The following IMMP2L variants were observed in gnomAD, a reference collection of about 807,000 sequenced individuals.
IMMP2L encodes the protein inner mitochondrial membrane peptidase subunit 2, also known as mitochondrial inner membrane protease subunit 2.
A neutral mutation model predicts 19.3 loss-of-function variants in IMMP2L; 18 were observed. The ratio of observed to expected loss-of-function variants is 0.93; its 90% confidence interval spans 0.64 to 1.38. The LOEUF is 1.38. Among genes scored for constraint, IMMP2L ranks in the 40% most tolerant of loss-of-function variants. IMMP2L has a pLI of 0.00. For missense variants in IMMP2L, 233 were observed against 218.2 expected (o/e 1.07, Z -0.43); for synonymous variants, 76 against 73.0 (o/e 1.04, Z -0.21).
intron 3 of IMMP2L, among the ~76,000 whole-genome samples, chr7:111,434,789 G>A (rs571427249): frequency 1.5e-4 from 23 of 151,638 alleles, no homozygotes; most frequent in African/African-American, 2.2e-4. Context: ...CTTGACCTCC[G>A]GTGATCCACC....
chr7:110,888,101 T>C (rs1277024008), intron 4 of IMMP2L, among the ~76,000 whole-genome samples: 2 of 152,194 alleles, frequency 1.3e-5, no homozygotes, highest in Non-Finnish European at 2.9e-5. Flanking sequence ...CGAAGCAATA[T>C]TGTGGCTGTT....
intron 1 of IMMP2L, among the ~76,000 whole-genome samples, chr7:111,552,696 G>A (rs1790815968): frequency 6.6e-6 from 1 of 152,104 alleles, no homozygotes; most frequent in African/African-American, 2.4e-5. Flanking sequence ...TCCTCTCAGA[G>A]AGCCTACCCT....
intron 3 of IMMP2L, among the ~76,000 whole-genome samples, chr7:111,127,292 C>T (rs1478745254): frequency 1.3e-5 from 2 of 152,148 alleles, no homozygotes; most frequent in Admixed American, 6.5e-5. Context: ...TATTAGGAGG[C>T]AGGCATAGTA....
At chr7:111,270,958 A>G (rs1255467770) in intron 3 of IMMP2L, among the ~76,000 whole-genome samples, 1 of 152,166 alleles carries the variant, frequency 6.6e-6, no homozygotes, top group East Asian at 1.9e-4. Context: ...AGACTATTAT[A>G]TACTCCATTA....
chr7:110,786,422 T>C (rs532046968), intron 5 of IMMP2L, among the ~76,000 whole-genome samples: 2 of 152,076 alleles, frequency 1.3e-5, no homozygotes, highest in South Asian at 2.1e-4. Flanking sequence ...AAAAATAGCA[T>C]GGGCTTAAGC....
chr7:111,374,002 T>C (rs1208581696), intron 3 of IMMP2L, among the ~76,000 whole-genome samples: 1 of 151,998 alleles, frequency 6.6e-6, no homozygotes, highest in East Asian at 1.9e-4. Context: ...CATCAATTTC[T>C]AATGGTAGGT....
chr7:110,798,257 C>T (rs928957119), intron 5 of IMMP2L, among the ~76,000 whole-genome samples: 1 of 151,912 alleles, frequency 6.6e-6, no homozygotes, highest in South Asian at 2.1e-4. Flanking sequence ...TATTTCAAAA[C>T]ATTCAAATAA....
At position 110,803,178 on chromosome 7, in the gene IMMP2L, G is replaced by C. The variant is rs1007366459; in HGVS notation, c.408+83415C>G. ...AATGGAGGGGCATATTAGGTAGTGGGAACAAAATGGACATAATCTCTGAGA... is the reference window on the plus strand; with the variant it reads ...AATGGAGGGGCATATTAGGTAGTGGCAACAAAATGGACATAATCTCTGAGA... On this transcript the variant is annotated intron_variant, in intron 5 of 5. Coordinates refer to ENST00000405709, the MANE Select transcript of IMMP2L (RefSeq NM_032549.4). This position sits in a 1 kb window ranked among gnomAD's most constrained non-coding sequence, Gnocchi z 4.2. Among the ~76,000 whole-genome samples the C allele has an allele frequency of 6.6e-6, 1 of 152,044 alleles. No homozygotes were observed. The highest frequency in any genetic ancestry group is 2.4e-5 in the African/African-American group (1 of 41,426).
At chr7:110,722,879 T>C (rs959395743) in intron 5 of IMMP2L, among the ~76,000 whole-genome samples, 1 of 151,970 alleles carries the variant, frequency 6.6e-6, no homozygotes, top group Non-Finnish European at 1.5e-5. Context: ...TTTGTGAAAA[T>C]AAAAGCTCTT....
intron 3 of IMMP2L, among the ~76,000 whole-genome samples, chr7:111,288,006 C>T (rs1233196292): frequency 6.6e-6 from 1 of 152,136 alleles, no homozygotes; most frequent in Non-Finnish European, 1.5e-5. Context: ...CATAGGTAAA[C>T]ATCAAAAATT....
At chr7:111,205,501 C>T (rs1442110276) in intron 3 of IMMP2L, among the ~76,000 whole-genome samples, 3 of 152,150 alleles carry the variant, frequency 2.0e-5, no homozygotes, top group Non-Finnish European at 4.4e-5. Context: ...CATTGAACGT[C>T]ACAGGACCTT....
chr7:110,699,842 T>C (rs1171242972), intron 5 of IMMP2L, among the ~76,000 whole-genome samples: 1 of 151,620 alleles, frequency 6.6e-6, no homozygotes, highest in Non-Finnish European at 1.5e-5. Context: ...GTCTTAGCAG[T>C]CTGAGTGTGA....
At chr7:111,514,347 C>T (rs1002658848) in intron 2 of IMMP2L, among the ~76,000 whole-genome samples, 1 of 151,780 alleles carries the variant, frequency 6.6e-6, no homozygotes, top group East Asian at 1.9e-4. Context: ...GAATGGGCAA[C>T]ATCGCACACC....
chr7:111,217,120 T>TCACACACACACA (rs1385796500), intron 3 of IMMP2L, among the ~76,000 whole-genome samples: 26 of 137,812 alleles, frequency 1.9e-4, no homozygotes, highest in African/African-American at 7.2e-4. Flanking sequence ...TCTCTCTCTC[T>TCACACACACACA]CTCTCTCACA....
At position 111,197,380 on chromosome 7, in the gene IMMP2L, G is replaced by A. The variant is rs928150945; in HGVS notation, c.240-233815C>T. ...CGGGAGGCTGAGGCAGGAGAACGGC[G>A]TGAACCCAGGAGGCGGAGCTTGCAG... On this transcript the variant is annotated intron_variant, in intron 3 of 5. Transcript: ENST00000405709. 3.0e-4 allele frequency among the ~76,000 whole-genome samples: 46 copies of A among 152,128 alleles called. 1 individual carries two copies. Among genetic ancestry groups the A allele is most frequent in the African/African-American group, 1.0e-3 (43 of 41,494 alleles).
intron 3 of IMMP2L, among the ~76,000 whole-genome samples, chr7:111,444,627 T>G (rs1353133776): frequency 6.6e-6 from 1 of 152,182 alleles, no homozygotes; most frequent in Non-Finnish European, 1.5e-5. Context: ...TCGCTTCTAC[T>G]GCTACATCTT....
In IMMP2L at chr7:110,978,592, T is replaced by C. The variant is rs115547991; in HGVS notation, c.240-15027A>G. Reference sequence around the variant, plus strand: ...TGGTGACATTCTAAAATTATTTTCATTTTATAAAGGCTGTGTGTCCACAAT... The same window carrying C: ...TGGTGACATTCTAAAATTATTTTCACTTTATAAAGGCTGTGTGTCCACAAT... On this transcript the variant is annotated intron_variant, in intron 3 of 5. Transcript: ENST00000405709. 4.0e-3 allele frequency among the ~76,000 whole-genome samples: 609 copies of C among 152,186 alleles called. 4 individuals carry two copies. The highest frequency in any genetic ancestry group is 0.014 in the African/African-American group (588 of 41,570).
chr7:111,432,800 T>G (rs772403468), intron 3 of IMMP2L, among the ~76,000 whole-genome samples: 1 of 151,348 alleles, frequency 6.6e-6, no homozygotes, highest in Non-Finnish European at 1.5e-5. Flanking sequence ...TAGAGAACCC[T>G]AAAGATTCCA....
In IMMP2L at chr7:111,443,670, C is replaced by G. The variant is rs201749404; in HGVS notation, c.239+43568G>C. Among the ~76,000 whole-genome samples, 4 of 152,118 alleles carry G rather than the reference C, an allele frequency of 2.6e-5. No individual in the cohort carries two copies. In the East Asian group the frequency reaches 5.8e-4, roughly 22 times the overall value. On this transcript the variant is annotated intron_variant, in intron 3 of 5. Transcript: ENST00000405709. ...ATCCATTTTTTCAAATGTTTTGACA[C>G]AACACTGAAAAGGTGCAATTATTAA...
Sources: allele counts gnomAD v4.1 joint callset (sites outside exome capture counted in the v4.1 genomes callset), GRCh38; gene constraint gnomAD v4.1.1; non-coding constraint Gnocchi (gnomAD v3.1); transcripts MANE v1.5; gene names NCBI Gene and HGNC (gene_info 2026-07-23, HGNC 2026-07-21).